Variants in NIM1K observed in about 807,000 individuals in gnomAD.
NIM1K encodes the protein NIM1 serine/threonine protein kinase.
In NIM1K, 35 loss-of-function variants were observed where a neutral mutation model predicts 37.1. The observed-to-expected ratio is 0.94, with a 90% CI of 0.72 to 1.25. The LOEUF is 1.25. NIM1K is among the 50% of genes most tolerant of loss of function. The pLI is 0.00. For synonymous variants in NIM1K, 234 were observed against 206.6 expected (o/e 1.13, Z -1.14); for missense variants, 564 against 548.0 (o/e 1.03, Z -0.29).
In NIM1K at chr5:43,262,961, C is replaced by A. The variant is rs531485294; in HGVS notation, c.293-14096C>A. On this transcript the variant is annotated intron_variant, in intron 2 of 3. Transcript: ENST00000326035. ...GAGCCTTGCACCCTAGGGATGAAGC[C>A]AACTTGATCGTGGTGGATAAGCTTT... Among the ~76,000 whole-genome samples, 4 of 152,288 alleles carry A rather than the reference C, an allele frequency of 2.6e-5. No homozygotes were observed. In the South Asian group the frequency reaches 8.3e-4, roughly 32 times the overall value.
In NIM1K at chr5:43,280,664, C is replaced by T. The variant is rs1204888814; in HGVS notation, c.1246C>T (p.Leu416Phe). The T allele has an allele frequency of 6.2e-7, 1 of 1,612,138 alleles. No individual in the cohort carries two copies. ...GCTACCAGACCCTAAAGAAAGAGACCTCAAAAAAGGGTCCCGTGTCTACAG... is the reference window on the plus strand; with the variant it reads ...GCTACCAGACCCTAAAGAAAGAGACTTCAAAAAAGGGTCCCGTGTCTACAG... ...MMLPDPKERD[L>F]KKGSRVYRGI... The change falls in exon 4 of 4, where the codon CTC (leucine) becomes TTC (phenylalanine). Residue 416 changes from leucine (L) to phenylalanine (F), a missense_variant. Transcript: ENST00000326035.
intron 2 of NIM1K, among the ~76,000 whole-genome samples, chr5:43,269,760 A>G (rs1250343487): frequency 1.3e-5 from 2 of 151,854 alleles, no homozygotes; most frequent in African/African-American, 4.8e-5. Context: ...CTGGGACTAC[A>G]GACACCCGCC....
rs76005091 is a variant in NIM1K at position 43,240,067 on chromosome 5, T to C, written c.-694-5015T>C. On this transcript the variant is annotated intron_variant, in intron 1 of 3. Coordinates refer to ENST00000326035, the MANE Select transcript of NIM1K (RefSeq NM_153361.4). ...TAAATATTTTTAATTGTTTCCTTTT[T>C]CTTTTCTTTTTTTCTTTCTTCTTTG... 2.9e-3 allele frequency among the ~76,000 whole-genome samples: 443 copies of C among 152,102 alleles called. 16 individuals carry two copies. Among genetic ancestry groups the C allele is most frequent in the African/African-American group, 0.01 (427 of 41,376 alleles).
rs571147516 is a variant in NIM1K, at chr5:43,208,601, C to CA, written c.-695+16198dup. Among the ~76,000 whole-genome samples, 311 of 140,220 alleles carry CA rather than the reference C, an allele frequency of 2.2e-3. 2 individuals carry two copies. The highest frequency in any genetic ancestry group is 7.3e-3 in the African/African-American group (274 of 37,510). 92.0% of individuals were successfully genotyped at this position (140,220 alleles called of 152,430 possible). On this transcript the variant is annotated intron_variant, in intron 1 of 3. Coordinates refer to ENST00000326035, the MANE Select transcript of NIM1K (RefSeq NM_153361.4). ...TGGGCGACAGGGCAGGACTCTGTCTCAAAAAAAAGAAAAAAAAAAGAAAAA... is the reference window on the plus strand; with the variant it reads ...TGGGCGACAGGGCAGGACTCTGTCTCAAAAAAAAAGAAAAAAAAAAGAAAAA...
At chr5:43,226,647 A>G (rs1039659828) in intron 1 of NIM1K, among the ~76,000 whole-genome samples, 3 of 152,240 alleles carry the variant, frequency 2.0e-5, no homozygotes, top group African/African-American at 4.8e-5. Context: ...GATGGAGGAC[A>G]TGGTGAAGAT....
chr5:43,269,292 A>T (rs1753217850), intron 2 of NIM1K, among the ~76,000 whole-genome samples: 1 of 127,632 alleles, frequency 7.8e-6, no homozygotes, highest in Non-Finnish European at 1.6e-5. Context: ...CTGGGCAACA[A>T]AGTGAGACTT....
intron 1 of NIM1K, among the ~76,000 whole-genome samples, chr5:43,217,016 T>C (rs1009600978): frequency 6.6e-6 from 1 of 152,118 alleles, no homozygotes; most frequent in Admixed American, 6.6e-5. Context: ...ATTTAAAGTA[T>C]ACAACTCAAT....
intron 2 of NIM1K, among the ~76,000 whole-genome samples, chr5:43,272,562 C>G (rs904408199): frequency 1.3e-5 from 2 of 152,254 alleles, no homozygotes; most frequent in African/African-American, 4.8e-5. Context: ...TTTATTCCCC[C>G]AGCCCCTCAC....
intron 1 of NIM1K, among the ~76,000 whole-genome samples, chr5:43,197,781 A>C (rs1751940133): frequency 6.6e-6 from 1 of 152,026 alleles, no homozygotes; most frequent in Non-Finnish European, 1.5e-5. Context: ...TTTGGGCCCC[A>C]CCCTGTCTGT....
intron 2 of NIM1K, among the ~76,000 whole-genome samples, chr5:43,267,708 C>A (rs1455843119): frequency 2.0e-5 from 3 of 152,108 alleles, no homozygotes; most frequent in African/African-American, 7.2e-5. Flanking sequence ...ATTGTTAACC[C>A]AAAATTTATA....
At chr5:43,274,151 C>G (rs978156954) in intron 2 of NIM1K, among the ~76,000 whole-genome samples, 1 of 152,174 alleles carries the variant, frequency 6.6e-6, no homozygotes, top group Non-Finnish European at 1.5e-5. Flanking sequence ...TTTAAGGAAG[C>G]TTTCACCCTT....
intron 1 of NIM1K, among the ~76,000 whole-genome samples, chr5:43,235,957 A>C (rs1448604793): frequency 6.6e-6 from 1 of 151,922 alleles, no homozygotes; most frequent in East Asian, 1.9e-4. Context: ...CCAGTGTTTT[A>C]AAAGGAGTTA....
intron 2 of NIM1K, among the ~76,000 whole-genome samples, chr5:43,252,073 G>A (rs1271492332): frequency 6.6e-6 from 1 of 151,972 alleles, no homozygotes; most frequent in Non-Finnish European, 1.5e-5. Flanking sequence ...CTACAAGCCG[G>A]GAGCAAGACA....
At chr5:43,260,715 C>T (rs1753014403) in intron 2 of NIM1K, among the ~76,000 whole-genome samples, 1 of 152,096 alleles carries the variant, frequency 6.6e-6, no homozygotes, top group South Asian at 2.1e-4. Flanking sequence ...TACCCATTAA[C>T]TGATCATTTA....
intron 2 of NIM1K, among the ~76,000 whole-genome samples, chr5:43,260,569 T>C (rs1211665359): frequency 6.6e-6 from 1 of 152,192 alleles, no homozygotes; most frequent in East Asian, 1.9e-4. Flanking sequence ...ATTTATCATA[T>C]TTATTGACTT....
chr5:43,273,454 C>T (rs1753289235), intron 2 of NIM1K, among the ~76,000 whole-genome samples: 1 of 152,118 alleles, frequency 6.6e-6, no homozygotes, highest in Non-Finnish European at 1.5e-5. Context: ...TGTGATCCAC[C>T]CGCCTCGGCC....
intron 1 of NIM1K, among the ~76,000 whole-genome samples, chr5:43,218,580 C>G (rs965598292): frequency 2.6e-5 from 4 of 152,104 alleles, no homozygotes; most frequent in Non-Finnish European, 5.9e-5. Context: ...AAACAACCAG[C>G]AATCCGTGAA....
intron 1 of NIM1K, among the ~76,000 whole-genome samples, chr5:43,227,061 A>G (rs1262235867): frequency 6.6e-6 from 1 of 152,078 alleles, no homozygotes. Flanking sequence ...TGCTGGGAGG[A>G]TTTTAAAAGA....
At chr5:43,219,961 G>T (rs1752358596) in intron 1 of NIM1K, among the ~76,000 whole-genome samples, 1 of 152,210 alleles carries the variant, frequency 6.6e-6, no homozygotes, top group Admixed American at 6.5e-5. Context: ...TCCTGACCTC[G>T]TGATCCGCCC....
Sources: allele counts gnomAD v4.1 joint callset (sites outside exome capture counted in the v4.1 genomes callset), GRCh38; gene constraint gnomAD v4.1.1; transcripts MANE v1.5; gene names NCBI Gene and HGNC (gene_info 2026-07-23, HGNC 2026-07-21).